Variants in PRKCH observed in about 807,000 individuals in gnomAD.
PRKCH encodes protein kinase C eta, also known as protein kinase C eta type.
PRKCH carries 28 observed loss-of-function variants against 82.5 expected under a neutral mutation model. The ratio of observed to expected loss-of-function variants is 0.34; its 90% CI spans 0.25 to 0.47. The LOEUF (loss-of-function observed/expected upper bound fraction) is 0.47, where lower values mean the gene tolerates loss of function less well. Among genes scored for constraint, PRKCH ranks in the 20% least tolerant of loss-of-function variants. The probability of loss-of-function intolerance (pLI) is 1.00; values close to 1 mark genes in which losing one functional copy is unlikely to be tolerated. For missense variants in PRKCH, 705 were observed against 881.8 expected (o/e 0.80, Z 2.54); for synonymous variants, 322 against 327.4 (o/e 0.98, Z 0.18).
chr14:61,334,109 G>A (rs545618145), intron 1 of PRKCH, among the ~76,000 whole-genome samples: 16 of 152,300 alleles, frequency 1.1e-4, no homozygotes, highest in Middle Eastern at 3.4e-3. Flanking sequence ...CAGCTCTCTA[G>A]ACTTCAGGCC....
At chr14:61,407,148 G>A (rs141088606) in intron 2 of PRKCH, among the ~76,000 whole-genome samples, 5 of 152,294 alleles carry the variant, frequency 3.3e-5, no homozygotes, top group Admixed American at 2.0e-4. Flanking sequence ...TGATTTAAAA[G>A]TGGTCATTCT....
chr14:61,298,769 C>T (rs767777762), intron 1 of PRKCH: 4 of 151,940 alleles, frequency 2.6e-5, no homozygotes, highest in Non-Finnish European at 4.4e-5. Flanking sequence ...TTTACTGTTA[C>T]CAGCGGTGAA....
rs747694138 is a variant in PRKCH at position 61,449,149 on chromosome 14, G to A, written c.614-15G>A. The A allele has an allele frequency of 9.7e-5, 156 of 1,609,686 alleles. No individual in the cohort carries two copies. Among genetic ancestry groups the A allele is most frequent in the Non-Finnish European group, 1.3e-4 (148 of 1,176,176 alleles). ...GCTTCTGATAAATGTATAATTGCTGGATTTAATTTCCTAGTGTGCACCTGT... is the reference window on the plus strand; with the variant it reads ...GCTTCTGATAAATGTATAATTGCTGAATTTAATTTCCTAGTGTGCACCTGT... On this transcript the variant is annotated splice_polypyrimidine_tract_variant and intron_variant, in intron 4 of 13. Transcript: ENST00000332981.
chr14:61,468,649 G>A (rs1594740189), intron 9 of PRKCH, among the ~76,000 whole-genome samples: 1 of 151,352 alleles, frequency 6.6e-6, no homozygotes, highest in East Asian at 1.9e-4. Context: ...GATATTTGGT[G>A]TGACAAAAGG....
At chr14:61,236,569 A>G (rs57581966) in intron 1 of PRKCH, among the ~76,000 whole-genome samples, 2,522 of 152,162 alleles carry the variant, frequency 0.017, 80 homozygotes, top group African/African-American at 0.058. Flanking sequence ...TTAGCCAGGC[A>G]TGGTGGCGGG....
chr14:61,374,126 C>A (rs1413043564), intron 1 of PRKCH, among the ~76,000 whole-genome samples: 2 of 152,128 alleles, frequency 1.3e-5, no homozygotes, highest in Non-Finnish European at 2.9e-5. Flanking sequence ...AGTCCAAAAC[C>A]CAGCAGGGTA....
intron 1 of PRKCH, among the ~76,000 whole-genome samples, chr14:61,262,764 TGAG>T (rs1309839283): frequency 4.0e-5 from 6 of 150,264 alleles, no homozygotes; most frequent in Non-Finnish European, 4.4e-5. Flanking sequence ...AAAAAAAAAA[TGAG>T]GAAATCAAAA....
chr14:61,291,019 G>A (rs1340160148), intron 1 of PRKCH, among the ~76,000 whole-genome samples: 1 of 152,188 alleles, frequency 6.6e-6, no homozygotes, highest in Non-Finnish European at 1.5e-5. Flanking sequence ...AGGACTGTCT[G>A]TCTGTGCTCA....
In PRKCH at chr14:61,195,595, A is replaced by G. The variant is rs190356807; in HGVS notation, c.-19+7927A>G. ...GAATTATGCATAGGATATTTTAGGA[A>G]CCAAAGGAAGAACATCCAAATTAGA... is the stretch of plus-strand genomic sequence containing the variant. On this transcript the variant is annotated intron_variant, in intron 1 of 3. Transcript: ENST00000555185. Among the ~76,000 whole-genome samples, 98 of 152,364 alleles carry G rather than the reference A, an allele frequency of 6.4e-4. 3 individuals are homozygous for G. The highest frequency in any genetic ancestry group is 1.3e-4 in the Non-Finnish European group (9 of 68,042).
chr14:61,265,023 A>G (rs1401870968), intron 1 of PRKCH, among the ~76,000 whole-genome samples: 2 of 152,214 alleles, frequency 1.3e-5, no homozygotes, highest in Non-Finnish European at 2.9e-5. Context: ...GAGGACTAGC[A>G]TAAGCATGTC....
chr14:61,406,862 T>C (rs1025238028), intron 2 of PRKCH, among the ~76,000 whole-genome samples: 3 of 152,184 alleles, frequency 2.0e-5, no homozygotes, highest in Non-Finnish European at 4.4e-5. Flanking sequence ...TAGACAGGCA[T>C]GGCTCCACCA....
At chr14:61,517,382 C>T (rs1032468811) in intron 10 of PRKCH, among the ~76,000 whole-genome samples, 3 of 152,200 alleles carry the variant, frequency 2.0e-5, no homozygotes, top group Admixed American at 6.5e-5. Flanking sequence ...CGAATGTCTT[C>T]GAGGAACTAG....
intron 1 of PRKCH, among the ~76,000 whole-genome samples, chr14:61,368,438 G>T (rs2140169991): frequency 6.6e-6 from 1 of 152,196 alleles, no homozygotes; most frequent in Admixed American, 6.5e-5. Flanking sequence ...TTCATGCCGG[G>T]TCTTCTGCCT....
intron 1 of PRKCH, among the ~76,000 whole-genome samples, chr14:61,267,692 A>T (rs773290669): frequency 6.6e-6 from 1 of 152,224 alleles, no homozygotes; most frequent in Non-Finnish European, 1.5e-5. Context: ...GTGGAAATTG[A>T]GTGAATACAC....
chr14:61,482,289 G>A (rs910664325), intron 9 of PRKCH, among the ~76,000 whole-genome samples: 12 of 152,108 alleles, frequency 7.9e-5, no homozygotes, highest in Admixed American at 1.3e-4. Flanking sequence ...GAGCCACCAC[G>A]CCTGGCCTGG....
chr14:61,227,074 G>A (rs1301588154), intron 1 of PRKCH, among the ~76,000 whole-genome samples: 1 of 152,230 alleles, frequency 6.6e-6, no homozygotes, highest in African/African-American at 2.4e-5. Context: ...AAGGCCCGGA[G>A]AGAATAAGAG....
At chr14:61,258,970 CT>C (rs1381451268) in intron 1 of PRKCH, among the ~76,000 whole-genome samples, 1 of 152,202 alleles carries the variant, frequency 6.6e-6, no homozygotes, top group Non-Finnish European at 1.5e-5. Flanking sequence ...CAAACCACCC[CT>C]GGATTCTATT....
intron 12 of PRKCH, among the ~76,000 whole-genome samples, chr14:61,542,860 C>T (rs960773242): frequency 6.6e-6 from 1 of 152,144 alleles, no homozygotes; most frequent in African/African-American, 2.4e-5. Context: ...ACAGTCTATT[C>T]GAGCCTAGGA....
At chr14:61,451,575 GC>G (rs1339419576) in intron 6 of PRKCH, among the ~76,000 whole-genome samples, 1 of 152,196 alleles carries the variant, frequency 6.6e-6, no homozygotes, top group African/African-American at 2.4e-5. Context: ...CACCAGCTGT[GC>G]CCAGTGGAGT....
Sources: allele counts gnomAD v4.1 joint callset (sites outside exome capture counted in the v4.1 genomes callset), GRCh38; gene constraint gnomAD v4.1.1; transcripts MANE v1.5; gene names NCBI Gene and HGNC (gene_info 2026-07-23, HGNC 2026-07-21).